The following TBCD variants were observed in gnomAD, a reference collection of about 807,000 sequenced individuals.
TBCD encodes tubulin-specific chaperone D.
TBCD carries 105 observed loss-of-function variants against 169.3 expected under a neutral mutation model. That is an observed-to-expected ratio of 0.62 (90% CI 0.53 to 0.73). TBCD has a LOEUF of 0.73. Among genes scored for constraint, TBCD ranks in the 30% least tolerant of loss-of-function variants. The probability of loss-of-function intolerance (pLI) is 0.00; values close to 1 mark genes in which losing one functional copy is unlikely to be tolerated. For synonymous variants in TBCD, 700 were observed against 643.9 expected, an observed-to-expected ratio of 1.09 and a Z score of -1.32; for missense variants, 1,444 against 1,600.1, an observed-to-expected ratio of 0.90 and a Z score of 1.66.
At chr17:82,801,023 G>C in intron 9 of TBCD, 27 bp downstream of exon 9, 1 of 1,594,592 alleles carries the variant, frequency 6.3e-7, no homozygotes, top group Non-Finnish European at 8.5e-7. Flanking sequence ...CGGTGCCTGG[G>C]GAGGGCCACG....
At chr17:82,937,928 C>T (rs1224639000) in intron 35 of TBCD, 121 bp from the exon 36 acceptor site, 6 of 1,539,746 alleles carry the variant, frequency 3.9e-6, no homozygotes, top group Non-Finnish European at 4.4e-6. Flanking sequence ...GGCCCCAGGC[C>T]CGCACTGTGC....
chr17:82,927,972 C>A lies in TBCD; in HGVS notation c.2677C>A (p.Leu893Met). 5 of 1,611,826 alleles carry A rather than the reference C, an allele frequency of 3.1e-6. No homozygotes were observed. The highest frequency in any genetic ancestry group is 4.2e-6 in the Non-Finnish European group (5 of 1,179,736). The change falls in exon 30 of 39, where the codon CTG becomes ATG. Residue 893 changes from leucine to methionine, a missense_variant. Leu to Met is a conservative substitution (Grantham distance 15). Coordinates refer to ENST00000355528, the MANE Select transcript of TBCD (RefSeq NM_005993.5). ...TLLLARSQPELIEAHTCERIM... is the reference protein window; with the variant it reads ...TLLLARSQPEMIEAHTCERIM... ...TCTGCTGGCTCGGAGCCAGCCTGAG[C>A]TGATCGAGGCCCATACGTGAGTGTC...
intron 14 of TBCD, among the ~76,000 whole-genome samples, chr17:82,879,345 C>T (rs907167794): frequency 7.9e-5 from 12 of 152,146 alleles, no homozygotes; most frequent in South Asian, 2.1e-4. Context: ...GGCCTCCCTT[C>T]GTGTGCCGCT....
chr17:82,901,142 C>T (rs993153864), intron 18 of TBCD, among the ~76,000 whole-genome samples: 3 of 152,232 alleles, frequency 2.0e-5, no homozygotes, highest in Non-Finnish European at 2.9e-5. Context: ...TCTTAGTGGC[C>T]GTTTTCATCA....
chr17:82,752,104 A>C lies in TBCD; in HGVS notation c.-90A>C, dbSNP rs1197336058. The stretch of plus-strand genomic sequence containing the variant: ...CCGCCTTAGCGGGCGCCTCCTTTTC[A>C]TCCCTCATCCTTCATCCCTGGCTTT... On this transcript the variant is annotated 5_prime_UTR_variant, in exon 1 of 39. Transcript: ENST00000355528. 33 of 1,334,798 alleles carry C rather than the reference A, an allele frequency of 2.5e-5. No individual in the cohort carries two copies. The highest frequency in any genetic ancestry group is 3.2e-5 in the Non-Finnish European group (33 of 1,033,120). The allele number at this position is 1,334,798 out of a possible 1,614,324, so 82.7% of individuals were successfully genotyped here.
chr17:82,836,090 A>G (rs2053948294), intron 13 of TBCD, among the ~76,000 whole-genome samples: 2 of 143,936 alleles, frequency 1.4e-5, no homozygotes, highest in South Asian at 4.1e-4. Flanking sequence ...ATTTCCCCCT[A>G]TTAGAAGAAA....
intron 7 of TBCD, among the ~76,000 whole-genome samples, chr17:82,794,860 A>G (rs1374350199): frequency 6.6e-6 from 1 of 152,208 alleles, no homozygotes; most frequent in Non-Finnish European, 1.5e-5. Context: ...ATTCAGCTGG[A>G]AACTGTCCCC....
At chr17:82,925,372 T>C (rs1011007) in intron 27 of TBCD, among the ~76,000 whole-genome samples, 2,314 of 152,304 alleles carry the variant, frequency 0.015, 55 homozygotes, top group African/African-American at 0.052. Context: ...CTTTGTGCGT[T>C]GTGGAGCCGG....
At chr17:82,801,314 C>A (rs537212325) in intron 9 of TBCD, among the ~76,000 whole-genome samples, 3 of 152,306 alleles carry the variant, frequency 2.0e-5, no homozygotes, top group African/African-American at 7.2e-5. Context: ...TTTCTGCTTT[C>A]ATTCATTTCT....
At chr17:82,895,601 G>A (rs1044849460) in intron 17 of TBCD, among the ~76,000 whole-genome samples, 1 of 152,124 alleles carries the variant, frequency 6.6e-6, no homozygotes, top group African/African-American at 2.4e-5. Context: ...CTTGGGAGAC[G>A]GGAGAGGGCT....
In TBCD at chr17:82,755,479, C is replaced by T. The variant is rs112808669; in HGVS notation, c.185-686C>T. On this transcript the variant is annotated intron_variant, in intron 1 of 38. Coordinates refer to ENST00000355528, the MANE Select transcript of TBCD (RefSeq NM_005993.5). ...AAAAATATTTTGATTTCTTTCAGGG[C>T]CTGCTGTCTGTCATGTGATGCTGTA... is the stretch of plus-strand genomic sequence containing the variant. 8.8e-4 allele frequency among the ~76,000 whole-genome samples: 134 copies of T among 152,242 alleles called. 2 individuals are homozygous for T. In the Middle Eastern group the frequency reaches 0.01, roughly 12 times the overall value.
chr17:82,758,098 A>G (rs2047501578), intron 2 of TBCD, among the ~76,000 whole-genome samples: 1 of 151,782 alleles, frequency 6.6e-6, no homozygotes. Flanking sequence ...CTTTGCAAAA[A>G]CTGTTTTTCG....
chr17:82,897,254 T>C (rs1336316307), intron 17 of TBCD, among the ~76,000 whole-genome samples: 1 of 152,052 alleles, frequency 6.6e-6, no homozygotes, highest in African/African-American at 2.4e-5. Context: ...GTGCGGTGGC[T>C]CACACCTGTA....
chr17:82,854,376 G>A (rs1368914928), intron 13 of TBCD, among the ~76,000 whole-genome samples: 2 of 152,170 alleles, frequency 1.3e-5, no homozygotes, highest in South Asian at 2.1e-4. Flanking sequence ...ATGCAAGCAC[G>A]TCCACAAAGG....
At chr17:82,822,860 T>TG (rs562101019) in intron 13 of TBCD, among the ~76,000 whole-genome samples, 290 of 152,212 alleles carry the variant, frequency 1.9e-3, no homozygotes, top group African/African-American at 6.2e-3. Context: ...TATGGATTGA[T>TG]GAGTTCACAC....
At position 82,938,250 on chromosome 17, in the gene TBCD, C is replaced by T. The variant is rs1238453657; in HGVS notation, c.3369+114C>T. ...GTGTGCTTTCCAGCCGAGCCCCTCT[C>T]GTTAACGCGCCTGGGTGACGACGCG... On this transcript the variant is annotated intron_variant, in intron 36 of 38. Coordinates refer to ENST00000355528, the MANE Select transcript of TBCD (RefSeq NM_005993.5). 3.3e-6 allele frequency: 4 copies of T among 1,196,044 alleles called. No homozygotes were observed. In the South Asian group the frequency reaches 4.0e-5, roughly 12 times the overall value. 74.1% of individuals were successfully genotyped at this position (1,196,044 alleles called of 1,614,324 possible). A position where few individuals can be genotyped will look rare whatever the true frequency, so the allele number is the denominator to read the frequency against.
chr17:82,868,191 C>T (rs1274826681), intron 13 of TBCD, among the ~76,000 whole-genome samples: 1 of 152,168 alleles, frequency 6.6e-6, no homozygotes, highest in Non-Finnish European at 1.5e-5. Context: ...CCCTGAGCTG[C>T]ACCCAAGGAG....
intron 13 of TBCD, among the ~76,000 whole-genome samples, chr17:82,815,729 G>A (rs933571306): frequency 2.0e-5 from 3 of 152,206 alleles, no homozygotes; most frequent in African/African-American, 7.2e-5. Flanking sequence ...CCAAAATAAA[G>A]ACACCTGAGA....
rs1459073272 is a variant in TBCD at position 82,864,844 on chromosome 17, TGCTCACTCCCCGGGGCACCGTGGGGACAG to T, written c.1319-5379_1319-5351del. ...GGGCACCGTGGGGACAGCGGGGGCC[TGCTCACTCCCCGGGGCACCGTGGGGACAG>T]CGGGGGCCTGCTCACTCCCTGGGGC... On this transcript the variant is annotated intron_variant, in intron 13 of 38. Coordinates refer to ENST00000355528, the MANE Select transcript of TBCD (RefSeq NM_005993.5). The surrounding 1 kb of genome is among the most constrained non-coding windows in gnomAD (Gnocchi z 6.3). Among the ~76,000 whole-genome samples the T allele has an allele frequency of 6.1e-5, 7 of 114,354 alleles. No individual in the cohort carries two copies. The highest frequency in any genetic ancestry group is 2.0e-5 in the Non-Finnish European group (1 of 50,172). The allele number at this position is 114,354 out of a possible 152,430, so 75.0% of individuals were successfully genotyped here. A position where few individuals can be genotyped will look rare whatever the true frequency, so the allele number is the denominator to read the frequency against.
Sources: allele counts gnomAD v4.1 joint callset (sites outside exome capture counted in the v4.1 genomes callset), GRCh38; gene constraint gnomAD v4.1.1; non-coding constraint Gnocchi (gnomAD v3.1); transcripts MANE v1.5; gene names NCBI Gene and HGNC (gene_info 2026-07-23, HGNC 2026-07-21).